ST18: variants seen among roughly 807,000 people sequenced by gnomAD.
The protein encoded by ST18 is suppression of tumorigenicity 18 protein.
ST18 carries 50 observed loss-of-function variants against 110.0 expected under a neutral mutation model. The ratio of observed to expected loss-of-function variants is 0.45; its 90% CI spans 0.36 to 0.58. The LOEUF (loss-of-function observed/expected upper bound fraction) is 0.58. Ranked by LOEUF, ST18 falls within the 20% of genes least tolerant of loss-of-function variation. The pLI is 0.00. For missense variants in ST18, 1,306 were observed against 1,280.1 expected (o/e 1.02, Z -0.31); for synonymous variants, 461 against 452.4 (o/e 1.02, Z -0.24).
At chr8:52,281,398 G>A (rs1298832543) in intron 2 of ST18, among the ~76,000 whole-genome samples, 1 of 151,980 alleles carries the variant, frequency 6.6e-6, no homozygotes, top group African/African-American at 2.4e-5. Context: ...TGTTCGAAGA[G>A]ACTAAAGAAA....
intron 2 of ST18, among the ~76,000 whole-genome samples, chr8:52,309,848 T>C (rs1469782373): frequency 6.6e-6 from 1 of 152,030 alleles, no homozygotes; most frequent in Admixed American, 6.5e-5. Flanking sequence ...CTCAATCTCA[T>C]AAATGAAACT....
Position 52,357,732 on chromosome 8 carries a change from A to T in ST18, c.-465+51596T>A, listed in dbSNP as rs867185066. ...ATATATATATATATATATATATATA[A>T]AACAGACTCAAAGGGAGAAATAGTT... On this transcript the variant is annotated intron_variant, in intron 2 of 25. Coordinates refer to ENST00000689386, the MANE Select transcript of ST18 (RefSeq NM_001352837.2). 1.5e-4 allele frequency among the ~76,000 whole-genome samples: 16 copies of T among 107,572 alleles called. No homozygotes were observed. In the East Asian group the frequency reaches 1.8e-3, roughly 12 times the overall value. The allele number at this position is 107,572 out of a possible 152,430, so 70.6% of individuals were successfully genotyped here.
At chr8:52,316,018 C>T (rs2096018699) in intron 2 of ST18, among the ~76,000 whole-genome samples, 1 of 152,148 alleles carries the variant, frequency 6.6e-6, no homozygotes, top group African/African-American at 2.4e-5. Context: ...CATAAATGGA[C>T]CCATTAAAAT....
chr8:52,219,647 A>G (rs1319459070), intron 5 of ST18, among the ~76,000 whole-genome samples: 2 of 152,270 alleles, frequency 1.3e-5, no homozygotes, highest in Non-Finnish European at 1.5e-5. Context: ...AAAGGAAAAA[A>G]TAGATTCAGT....
intron 2 of ST18, among the ~76,000 whole-genome samples, chr8:52,234,529 C>T (rs1270461653): frequency 6.6e-6 from 1 of 152,146 alleles, no homozygotes. Flanking sequence ...TCCCAAAGTG[C>T]TGGCATGACC....
intron 3 of ST18, among the ~76,000 whole-genome samples, chr8:52,224,959 G>C (rs1310107316): frequency 6.6e-6 from 1 of 152,134 alleles, no homozygotes; most frequent in Non-Finnish European, 1.5e-5. Flanking sequence ...TCAGTACAGG[G>C]AATGCTATGG....
Position 52,159,002 on chromosome 8 carries a change from C to A in ST18, c.1702G>T (p.Glu568Ter). ...GCAGCTGCTGCTATGTGGGTGTCTT[C>A]ACTACATTGACCGTAGCTATAAGAG... The part of the protein sequence containing the change: ...ASSYSYGQCS[E>*]DTHIAAAAAI... The change falls in exon 15 of 26, where the codon GAA becomes TAA. Residue 568 changes from glutamate to a stop codon, truncating the protein, a stop_gained. Transcript: ENST00000689386. LOFTEE classifies it high-confidence loss of function. 1 of 1,614,120 alleles carries A rather than the reference C, an allele frequency of 6.2e-7. No homozygotes were observed. The highest frequency in any genetic ancestry group is 8.5e-7 in the Non-Finnish European group (1 of 1,179,996).
At chr8:52,180,032 C>G in intron 9 of ST18, 90 bp downstream of exon 9, 1 of 1,330,904 alleles carries the variant, frequency 7.5e-7, no homozygotes, top group Non-Finnish European at 1.0e-6. Flanking sequence ...TACAACCATA[C>G]AAACCATACA....
chr8:52,379,801 A>T (rs1332219976), intron 2 of ST18, among the ~76,000 whole-genome samples: 2 of 152,198 alleles, frequency 1.3e-5, no homozygotes, highest in East Asian at 3.8e-4. Flanking sequence ...ACAAATAGAA[A>T]AATGAAGTAT....
chr8:52,123,799 G>C (rs1398174073), intron 23 of ST18, among the ~76,000 whole-genome samples: 1 of 152,218 alleles, frequency 6.6e-6, no homozygotes, highest in Non-Finnish European at 1.5e-5. Flanking sequence ...ACCACCTGCT[G>C]CTGGCCCCCT....
chr8:52,213,726 C>T lies in ST18; in HGVS notation c.55+477G>A, dbSNP rs572132350. Among the ~76,000 whole-genome samples, 30 of 152,262 alleles carry T rather than the reference C, an allele frequency of 2.0e-4. No homozygotes were observed. The South Asian group carries it at 6.2e-3, about 32-fold the overall frequency. On this transcript the variant is annotated intron_variant, in intron 7 of 25. Transcript: ENST00000689386. ...TTAAACCTTCCAGACATCAGAGCTGCTGGAAATTCCCAGCTGAGACAGTCA... is the reference window on the plus strand; with the variant it reads ...TTAAACCTTCCAGACATCAGAGCTGTTGGAAATTCCCAGCTGAGACAGTCA...
intron 8 of ST18, chr8:52,206,549 G>C (rs1053560393): frequency 1.3e-5 from 2 of 152,206 alleles, no homozygotes; most frequent in African/African-American, 4.8e-5. Flanking sequence ...CCATCACACA[G>C]AGGCATGGAC....
At chr8:52,376,174 C>T (rs1832290175) in intron 2 of ST18, among the ~76,000 whole-genome samples, 1 of 152,156 alleles carries the variant, frequency 6.6e-6, no homozygotes, top group Non-Finnish European at 1.5e-5. Flanking sequence ...CTGCTCAAAA[C>T]CTGCAGTGTT....
At chr8:52,175,783 G>T (rs1365129749) in intron 9 of ST18, among the ~76,000 whole-genome samples, 3 of 152,134 alleles carry the variant, frequency 2.0e-5, no homozygotes, top group African/African-American at 7.2e-5. Context: ...CACATGCCCA[G>T]CCAGTGCAAG....
At chr8:52,374,368 G>C (rs1258615855) in intron 2 of ST18, among the ~76,000 whole-genome samples, 1 of 152,068 alleles carries the variant, frequency 6.6e-6, no homozygotes, top group Non-Finnish European at 1.5e-5. Flanking sequence ...GAGGAGCACT[G>C]GCAGCCGCCA....
At chr8:52,299,287 T>C (rs1213312345) in intron 2 of ST18, among the ~76,000 whole-genome samples, 2 of 152,200 alleles carry the variant, frequency 1.3e-5, no homozygotes, top group Non-Finnish European at 2.9e-5. Context: ...GCATTTTAGG[T>C]AATGTTTTTA....
At chr8:52,403,260 T>C (rs1403276687) in intron 2 of ST18, 1 of 152,236 alleles carries the variant, frequency 6.6e-6, no homozygotes, top group Admixed American at 6.5e-5. Context: ...ATACAGTGGC[T>C]ACTGGACCCC....
chr8:52,220,070 C>T (rs1455094493), intron 5 of ST18, among the ~76,000 whole-genome samples: 1 of 152,130 alleles, frequency 6.6e-6, no homozygotes, highest in Non-Finnish European at 1.5e-5. Flanking sequence ...CATTAGGGGG[C>T]AATCTCCAGC....
chr8:52,321,842 T>A (rs1472638314), intron 2 of ST18, among the ~76,000 whole-genome samples: 1 of 152,208 alleles, frequency 6.6e-6, no homozygotes, highest in Non-Finnish European at 1.5e-5. Flanking sequence ...GCCTTGCCAC[T>A]CAAAAGATGT....
Sources: allele counts gnomAD v4.1 joint callset (sites outside exome capture counted in the v4.1 genomes callset), GRCh38; gene constraint gnomAD v4.1.1; transcripts MANE v1.5; gene names NCBI Gene and HGNC (gene_info 2026-07-23, HGNC 2026-07-21).